The following UBE3C variants were observed in gnomAD, a reference collection of about 807,000 sequenced individuals.
The protein encoded by UBE3C is ubiquitin protein ligase E3C.
In UBE3C, 42 loss-of-function variants were observed where a neutral mutation model predicts 129.4. The observed-to-expected ratio is 0.32, with a 90% CI of 0.25 to 0.42. UBE3C has a LOEUF of 0.42. UBE3C is among the 10% of genes least tolerant of loss of function. The pLI is 1.00. For missense variants in UBE3C, 1,049 were observed against 1,319.1 expected (o/e 0.80, Z 3.17); for synonymous variants, 510 against 492.4 (o/e 1.04, Z -0.47).
chr7:157,224,673 A>G (rs1795825432), intron 16 of UBE3C, among the ~76,000 whole-genome samples: 1 of 151,640 alleles, frequency 6.6e-6, no homozygotes, highest in African/African-American at 2.4e-5. Context: ...AATGGCTTCA[A>G]GAGTGTATTT....
In UBE3C at chr7:157,164,459, ATGT is replaced by A. The variant is rs1563035193; in HGVS notation, c.120+599_120+601del. The A allele has an allele frequency of 6.6e-6, 3 of 456,620 alleles. No homozygotes were observed. The East Asian group carries it at 2.1e-4, about 32-fold the overall frequency. The allele number at this position is 456,620 out of a possible 1,614,324, so 28.3% of individuals were successfully genotyped here. A position where few individuals can be genotyped will look rare whatever the true frequency, so the allele number is the denominator to read the frequency against. ...CGTGAACTGCCTCGTCTGGCTGATG[ATGT>A]TGATGTTTCATGAAGCATAAGGAGA... is the stretch of plus-strand genomic sequence containing the variant. On this transcript the variant is annotated intron_variant, in intron 2 of 22. Transcript: ENST00000348165.
chr7:157,148,194 G>A (rs553461992), intron 1 of UBE3C, among the ~76,000 whole-genome samples: 2 of 151,978 alleles, frequency 1.3e-5, no homozygotes, highest in South Asian at 2.1e-4. Flanking sequence ...TCCATCTCCC[G>A]AATTCAAGTG....
intron 1 of UBE3C, 143 bp from the exon 2 acceptor site, chr7:157,163,667 T>G: frequency 2.6e-6 from 2 of 761,608 alleles, no homozygotes; most frequent in Non-Finnish European, 2.1e-6. Flanking sequence ...GTGCCTCAGA[T>G]TCTCTCATCT....
At chr7:157,257,368 GC>G (rs1445628085) in intron 22 of UBE3C, among the ~76,000 whole-genome samples, 4 of 152,126 alleles carry the variant, frequency 2.6e-5, no homozygotes, top group African/African-American at 9.7e-5. Context: ...TGGGCTTTTT[GC>G]TACTGAACTG....
intron 18 of UBE3C, among the ~76,000 whole-genome samples, chr7:157,241,513 G>A (rs1005927767): frequency 2.6e-5 from 4 of 152,214 alleles, no homozygotes; most frequent in African/African-American, 7.2e-5. Flanking sequence ...ATAGCCACAG[G>A]CTGCCGCGCA....
At chr7:157,248,774 G>C (rs1463499380) in intron 19 of UBE3C, 194 bp downstream of exon 19, 1 of 597,178 alleles carries the variant, frequency 1.7e-6, no homozygotes, top group Non-Finnish European at 2.9e-6. Flanking sequence ...TGCAGTTCCT[G>C]CTCCCACGCA....
chr7:157,217,673 T>C lies in UBE3C; in HGVS notation c.1914+702T>C, dbSNP rs575288895. On this transcript the variant is annotated intron_variant, in intron 14 of 22. Transcript: ENST00000348165. ...AACATGGCGAAACCCTGTATCTCTATTGAAAATACAAAAATCAGCCGGGCG... is the reference window on the plus strand; with the variant it reads ...AACATGGCGAAACCCTGTATCTCTACTGAAAATACAAAAATCAGCCGGGCG... Among the ~76,000 whole-genome samples, 9 of 151,934 alleles carry C rather than the reference T, an allele frequency of 5.9e-5. 1 individual carries two copies. Among genetic ancestry groups the C allele is most frequent in the Non-Finnish European group, 1.2e-4 (8 of 67,922 alleles).
chr7:157,187,162 A>T (rs1217612958), intron 10 of UBE3C, 141 bp downstream of exon 10: 14 of 1,077,760 alleles, frequency 1.3e-5, no homozygotes, highest in Non-Finnish European at 1.8e-5. Flanking sequence ...CAAGCGTTTC[A>T]TAAAAAATAA....
intron 13 of UBE3C, among the ~76,000 whole-genome samples, chr7:157,208,548 G>A (rs909693050): frequency 1.3e-5 from 2 of 152,026 alleles, no homozygotes; most frequent in African/African-American, 2.4e-5. Context: ...ACTGTGACAC[G>A]ATGAAATATA....
intron 18 of UBE3C, among the ~76,000 whole-genome samples, chr7:157,247,686 C>T (rs943511836): frequency 7.3e-5 from 11 of 151,246 alleles, no homozygotes; most frequent in African/African-American, 2.4e-4. Context: ...AGCAAGACTC[C>T]GTCTCCAAAA....
chr7:157,176,665 T>C (rs1247390278), intron 5 of UBE3C, among the ~76,000 whole-genome samples: 8 of 152,224 alleles, frequency 5.3e-5, no homozygotes, highest in Admixed American at 4.6e-4. Context: ...TAAAATACAG[T>C]GTGTGACAGA....
chr7:157,266,954 C>T (rs1797094250), intron 22 of UBE3C, among the ~76,000 whole-genome samples: 1 of 152,130 alleles, frequency 6.6e-6, no homozygotes, highest in South Asian at 2.1e-4. Context: ...GTTGCCCAGG[C>T]TGGTCTCGAA....
Position 157,181,691 on chromosome 7 carries a change from A to G in UBE3C, c.770+20A>G. 6.2e-7 allele frequency: 1 copy of G among 1,609,172 alleles called. No homozygotes were observed. Among genetic ancestry groups the G allele is most frequent in the Non-Finnish European group, 8.5e-7 (1 of 1,178,876 alleles). On this transcript the variant is annotated intron_variant, in intron 7 of 22. Coordinates refer to ENST00000348165, the MANE Select transcript of UBE3C (RefSeq NM_014671.3). ...TGCGAGGTGAGACTGGAATGGATTT[A>G]TTGATTTTGTCCTTTCACAAGATCT...
chr7:157,253,890 C>G (rs913035000), intron 19 of UBE3C, 64 bp from the exon 20 acceptor site: 1 of 1,154,378 alleles, frequency 8.7e-7, no homozygotes, highest in African/African-American at 1.6e-5. Context: ...TTGTTTCTTG[C>G]TTTTTTTTTT....
chr7:157,209,171 A>G (rs1370135320), intron 13 of UBE3C, among the ~76,000 whole-genome samples: 1 of 152,194 alleles, frequency 6.6e-6, no homozygotes, highest in Non-Finnish European at 1.5e-5. Context: ...ACTTAACCTG[A>G]TGGGCTAATT....
At chr7:157,263,846 C>G (rs1158801193) in intron 22 of UBE3C, among the ~76,000 whole-genome samples, 1 of 151,312 alleles carries the variant, frequency 6.6e-6, no homozygotes, top group East Asian at 1.9e-4. Context: ...ATATTTCCTC[C>G]CATTCTAACC....
chr7:157,144,417 G>A (rs997582295), intron 1 of UBE3C, among the ~76,000 whole-genome samples: 1 of 152,156 alleles, frequency 6.6e-6, no homozygotes, highest in Non-Finnish European at 1.5e-5. Flanking sequence ...GGAGACGGGG[G>A]AAACTTAAGT....
At position 157,268,757 on chromosome 7, in the gene UBE3C, G is replaced by C. The variant is rs1797146100; in HGVS notation, c.*1002G>C. ...CTGACTCGAAGACGGGACAGTCCCT[G>C]GTGCACATCCAGGGAAGAGGAGTGT... On this transcript the variant is annotated 3_prime_UTR_variant, in exon 23 of 23. Transcript: ENST00000348165. The C allele has an allele frequency of 6.5e-6, 1 of 152,674 alleles. No individual in the cohort carries two copies. Among genetic ancestry groups the C allele is most frequent in the Non-Finnish European group, 1.5e-5 (1 of 68,056 alleles). The allele number at this position is 152,674 out of a possible 1,614,324, so 9.5% of individuals were successfully genotyped here. A position where few individuals can be genotyped will look rare whatever the true frequency, so the allele number is the denominator to read the frequency against.
chr7:157,202,237 A>T (rs1277921927), intron 11 of UBE3C, among the ~76,000 whole-genome samples: 1 of 152,242 alleles, frequency 6.6e-6, no homozygotes, highest in Non-Finnish European at 1.5e-5. Flanking sequence ...CGTGTAATTT[A>T]AAAAATATCA....
Sources: allele counts gnomAD v4.1 joint callset (sites outside exome capture counted in the v4.1 genomes callset), GRCh38; gene constraint gnomAD v4.1.1; transcripts MANE v1.5; gene names NCBI Gene and HGNC (gene_info 2026-07-23, HGNC 2026-07-21).